CCSER1: variants seen among roughly 807,000 people sequenced by gnomAD.
CCSER1 encodes serine-rich coiled-coil domain-containing protein 1.
Under a neutral mutation model 82.0 loss-of-function variants are expected in CCSER1, and 41 were observed. That is an observed-to-expected ratio of 0.50 (90% CI 0.39 to 0.65). CCSER1 has a LOEUF of 0.65. Ranked by LOEUF, CCSER1 falls within the 30% of genes least tolerant of loss-of-function variation. The pLI is 0.00. For synonymous variants in CCSER1, 414 were observed against 383.9 expected (o/e 1.08, Z -0.92); for missense variants, 1,119 against 1,064.2 (o/e 1.05, Z -0.72).
intron 4 of CCSER1, among the ~76,000 whole-genome samples, chr4:90,450,346 C>T (rs1462950689): frequency 2.0e-5 from 3 of 152,108 alleles, no homozygotes; most frequent in African/African-American, 7.2e-5. Context: ...TCACTAGAGT[C>T]GTTTCACCTT....
intron 1 of CCSER1, among the ~76,000 whole-genome samples, chr4:90,207,706 G>A (rs1739150825): frequency 6.6e-6 from 1 of 152,102 alleles, no homozygotes; most frequent in South Asian, 2.1e-4. Context: ...TGTTGATGTT[G>A]ATCCTATTTC....
chr4:90,477,329 T>A (rs1765245656), intron 5 of CCSER1, among the ~76,000 whole-genome samples: 1 of 152,154 alleles, frequency 6.6e-6, no homozygotes, highest in African/African-American at 2.4e-5. Context: ...AAGGAGCGGG[T>A]ACTACTGTTA....
intron 10 of CCSER1, among the ~76,000 whole-genome samples, chr4:91,242,968 T>C (rs995746772): frequency 3.9e-5 from 6 of 152,136 alleles, no homozygotes; most frequent in African/African-American, 1.4e-4. Context: ...CCAATCACAG[T>C]ACCTGATTTT....
intron 10 of CCSER1, among the ~76,000 whole-genome samples, chr4:91,560,166 G>T: frequency 6.6e-6 from 1 of 151,188 alleles, no homozygotes; most frequent in East Asian, 1.9e-4. Flanking sequence ...CTGTTACCAA[G>T]GCAAAATCAA....
intron 7 of CCSER1, among the ~76,000 whole-genome samples, chr4:90,810,364 G>A (rs970930122): frequency 3.3e-5 from 5 of 152,112 alleles, no homozygotes; most frequent in African/African-American, 4.8e-5. Flanking sequence ...CTAGTTCAGT[G>A]AGGCCAGGAA....
rs998731716 is a variant in CCSER1 at position 91,556,407 on chromosome 4, G to A, written c.2218-42165G>A. Among the ~76,000 whole-genome samples, 48 of 150,954 alleles carry A rather than the reference G, an allele frequency of 3.2e-4. 2 individuals are homozygous for A. Among genetic ancestry groups the A allele is most frequent in the African/African-American group, 1.2e-3 (48 of 41,170 alleles). ...GGAAATTCTGGCCCAAGCATTCACAGGCAATCAGTAATAGTAGAATAATTT... is the reference window on the plus strand; with the variant it reads ...GGAAATTCTGGCCCAAGCATTCACAAGCAATCAGTAATAGTAGAATAATTT... On this transcript the variant is annotated intron_variant, in intron 10 of 10. Transcript: ENST00000509176.
intron 10 of CCSER1, among the ~76,000 whole-genome samples, chr4:91,276,246 G>C (rs1742426680): frequency 6.7e-6 from 1 of 148,152 alleles, no homozygotes. Context: ...GATTTCTTTG[G>C]GTAGTATAGT....
chr4:90,298,890 T>C (rs1004374719), intron 1 of CCSER1, among the ~76,000 whole-genome samples: 2 of 152,096 alleles, frequency 1.3e-5, no homozygotes, highest in Non-Finnish European at 1.5e-5. Context: ...TAAATATGCC[T>C]CTTATTATTT....
At chr4:91,000,633 T>C (rs1404327071) in intron 9 of CCSER1, among the ~76,000 whole-genome samples, 2 of 152,136 alleles carry the variant, frequency 1.3e-5, no homozygotes, top group African/African-American at 4.8e-5. Flanking sequence ...TTTAGAGAGC[T>C]TTCACTTCCT....
chr4:90,834,317 C>A (rs1340134097), intron 8 of CCSER1, among the ~76,000 whole-genome samples: 1 of 152,152 alleles, frequency 6.6e-6, no homozygotes, highest in African/African-American at 2.4e-5. Flanking sequence ...GGATTCCACA[C>A]ATCATTCTCA....
At position 90,346,148 on chromosome 4, in the gene CCSER1, G is replaced by A. The variant is rs961072098; in HGVS notation, c.1509+33101G>A. ...ACATTTTACCCAAATAATGGATGCC[G>A]CTTGGACTAATGGTTATAGAAGCTG... On this transcript the variant is annotated intron_variant, in intron 3 of 10. Transcript: ENST00000509176. 8.5e-5 allele frequency among the ~76,000 whole-genome samples: 13 copies of A among 152,074 alleles called. No individual in the cohort carries two copies. In the South Asian group the frequency reaches 2.3e-3, roughly 27 times the overall value.
rs1333172898 is a variant in CCSER1, at chr4:90,920,662, TAC to T, written c.2095-2699_2095-2698del. On this transcript the variant is annotated intron_variant, in intron 8 of 10. Transcript: ENST00000509176. The stretch of plus-strand genomic sequence containing the variant: ...TCCCCTCTCCAACATACCATTTCCA[TAC>T]ACACACACCTCGGGCTCTCTCCGTG... Among the ~76,000 whole-genome samples, 3 of 151,948 alleles carry T rather than the reference TAC, an allele frequency of 2.0e-5. No homozygotes were observed. The East Asian group carries it at 5.8e-4, about 29-fold the overall frequency.
At position 91,413,384 on chromosome 4, in the gene CCSER1, C is replaced by T. The variant is rs143359045; in HGVS notation, c.2218-185188C>T. On this transcript the variant is annotated intron_variant, in intron 10 of 10. Transcript: ENST00000509176. Reference sequence around the variant, plus strand: ...TGGTAGTGGGAGGATCACTGGTGCCCAGAAATTCAAGGTGACAGTGAGCTA... The same window carrying T: ...TGGTAGTGGGAGGATCACTGGTGCCTAGAAATTCAAGGTGACAGTGAGCTA... Among the ~76,000 whole-genome samples, 34 of 152,040 alleles carry T rather than the reference C, an allele frequency of 2.2e-4. No individual in the cohort carries two copies. In the East Asian group the frequency reaches 6.2e-3, roughly 28 times the overall value.
intron 6 of CCSER1, among the ~76,000 whole-genome samples, chr4:90,668,460 A>G (rs1732203715): frequency 6.6e-6 from 1 of 152,172 alleles, no homozygotes; most frequent in Admixed American, 6.6e-5. Context: ...TGATAATTCA[A>G]AACCACTTAC....
At chr4:90,351,971 C>A (rs921417210) in intron 3 of CCSER1, among the ~76,000 whole-genome samples, 5 of 151,910 alleles carry the variant, frequency 3.3e-5, no homozygotes, top group Non-Finnish European at 7.4e-5. Flanking sequence ...TCTTTATATC[C>A]TCAACTTTAT....
chr4:90,789,468 T>C (rs1298594703), intron 7 of CCSER1, among the ~76,000 whole-genome samples: 1 of 152,206 alleles, frequency 6.6e-6, no homozygotes, highest in Non-Finnish European at 1.5e-5. Context: ...ATTTCTCTTT[T>C]GAGCTCATAC....
At chr4:90,579,842 G>T (rs915912163) in intron 5 of CCSER1, among the ~76,000 whole-genome samples, 1 of 152,076 alleles carries the variant, frequency 6.6e-6, no homozygotes, top group Non-Finnish European at 1.5e-5. Flanking sequence ...AGACTGGAGA[G>T]TAATTTCATT....
chr4:91,092,545 G>A (rs1195013159), intron 10 of CCSER1, among the ~76,000 whole-genome samples: 1 of 152,208 alleles, frequency 6.6e-6, no homozygotes, highest in Non-Finnish European at 1.5e-5. Context: ...ACACATTGCT[G>A]TGCTGCTGTT....
chr4:90,594,863 C>T (rs1783130736), intron 5 of CCSER1, among the ~76,000 whole-genome samples: 2 of 152,040 alleles, frequency 1.3e-5, no homozygotes, highest in Admixed American at 6.6e-5. Context: ...ACAACCACAA[C>T]ACCTAGTATT....
Sources: gnomAD v4.1 joint callset for allele counts (sites outside exome capture counted in the v4.1 genomes callset) on GRCh38, gnomAD v4.1.1 for gene constraint, MANE v1.5 for transcripts, NCBI Gene and HGNC (gene_info 2026-07-23, HGNC 2026-07-21) for gene names.